FAM227A: variants seen among roughly 807,000 people sequenced by gnomAD.
FAM227A encodes the protein protein FAM227A.
Under a neutral mutation model 74.7 loss-of-function variants are expected in FAM227A, and 80 were observed. The observed-to-expected ratio is 1.07, with a 90% confidence interval of 0.89 to 1.29. FAM227A has a LOEUF of 1.29. FAM227A is among the 50% of genes most tolerant of loss of function. The pLI, the probability that FAM227A is intolerant of heterozygous loss-of-function variation, is 0.00. For missense variants in FAM227A, 654 were observed against 683.4 expected (o/e 0.96, Z 0.48); for synonymous variants, 237 against 241.8 (o/e 0.98, Z 0.19).
chr22:38,635,625 G>A (rs990593826), intron 6 of FAM227A, among the ~76,000 whole-genome samples: 2 of 152,118 alleles, frequency 1.3e-5, no homozygotes, highest in African/African-American at 4.8e-5. Flanking sequence ...GCTCTAGTGC[G>A]CAGCTCTGCA....
Position 38,613,244 on chromosome 22 carries a change from TAATA to T in FAM227A, c.1039-5772_1039-5769del, listed in dbSNP as rs1345637018. ...GTATATATATTATATATATAATATA[TAATA>T]TATAACATATATTATAACATATATT... On this transcript the variant is annotated intron_variant, in intron 11 of 16. Coordinates refer to ENST00000535113, the MANE Select transcript of FAM227A (RefSeq NM_001013647.2). 5.9e-5 allele frequency among the ~76,000 whole-genome samples: 5 copies of T among 84,060 alleles called. No homozygotes were observed. In the South Asian group the frequency reaches 8.6e-4, roughly 14 times the overall value. 55.1% of individuals were successfully genotyped at this position (84,060 alleles called of 152,430 possible).
At chr22:38,596,967 CTT>C (rs2091058270) in intron 15 of FAM227A, among the ~76,000 whole-genome samples, 1 of 151,606 alleles carries the variant, frequency 6.6e-6, no homozygotes, top group Non-Finnish European at 1.5e-5. Context: ...TTTCCGGGTC[CTT>C]TGTTTGCTTT....
Position 38,638,774 on chromosome 22 carries a change from C to CT in FAM227A, c.343dup (p.Arg115LysfsTer15). The CT allele has an allele frequency of 6.5e-7, 1 of 1,548,110 alleles. No individual in the cohort carries two copies. Among genetic ancestry groups the CT allele is most frequent in the African/African-American group, 1.4e-5 (1 of 72,904 alleles). ...TTTTATAACAGAAGATCTGGCATGT[C>CT]TGAGTTCGGAGCCTTTGCAGGAATA... On this transcript the variant is annotated frameshift_variant, in exon 5 of 17. Coordinates refer to ENST00000535113, the MANE Select transcript of FAM227A (RefSeq NM_001013647.2). LOFTEE classifies it high-confidence loss of function.
intron 11 of FAM227A, among the ~76,000 whole-genome samples, chr22:38,613,338 A>ATATCATATATAATATG (rs2091493050): frequency 1.2e-4 from 4 of 32,096 alleles, no homozygotes; most frequent in African/African-American, 4.9e-4. Context: ...TATATAATAT[A>ATATCATATATAATATG]TAACATATAT....
intron 13 of FAM227A, among the ~76,000 whole-genome samples, chr22:38,601,808 A>G (rs2091184698): frequency 6.6e-6 from 1 of 152,108 alleles, no homozygotes; most frequent in Non-Finnish European, 1.5e-5. Context: ...AGGGCGGCTC[A>G]GAGGACTTGG....
In FAM227A at chr22:38,589,698, T is replaced by C. The variant is rs538601672; in HGVS notation, c.1638+1737A>G. ...ACCCACAAAGCCATAGGAATCAGAA[T>C]AGCGTGAGACTTCTCAACAGTAAAA... On this transcript the variant is annotated intron_variant, in intron 16 of 16. Coordinates refer to ENST00000535113, the MANE Select transcript of FAM227A (RefSeq NM_001013647.2). Among the ~76,000 whole-genome samples the C allele has an allele frequency of 2.6e-3, 403 of 152,308 alleles. 2 individuals are homozygous for C. Among genetic ancestry groups the C allele is most frequent in the African/African-American group, 9.3e-3 (387 of 41,566 alleles).
intron 1 of FAM227A, among the ~76,000 whole-genome samples, chr22:38,652,148 T>C (rs1275380830): frequency 1.3e-5 from 2 of 151,974 alleles, no homozygotes; most frequent in African/African-American, 2.4e-5. Context: ...ATCATGCCAC[T>C]GCATTCCAGC....
chr22:38,601,556 T>C (rs1222784191), intron 13 of FAM227A, among the ~76,000 whole-genome samples: 1 of 152,176 alleles, frequency 6.6e-6, no homozygotes, highest in Admixed American at 6.6e-5. Flanking sequence ...CAATATAATC[T>C]GAGTAATCTG....
chr22:38,619,184 C>A (rs1037956719), intron 11 of FAM227A, among the ~76,000 whole-genome samples: 1 of 151,966 alleles, frequency 6.6e-6, no homozygotes, highest in Admixed American at 6.6e-5. Flanking sequence ...GAGGCAGGAC[C>A]CCTGAGAGCC....
chr22:38,641,359 GTCCTGAATTTTTTATGCATTTATAGTGGC>G lies in FAM227A; in HGVS notation c.226-1664_226-1636del, dbSNP rs555902468. Among the ~76,000 whole-genome samples the G allele has an allele frequency of 1.8e-4, 27 of 152,150 alleles. No individual in the cohort carries two copies. In the South Asian group the frequency reaches 5.4e-3, roughly 30 times the overall value. ...TGCTTATTTCCTGGGTCTGCATTGG[GTCCTGAATTTTTTATGCATTTATAGTGGC>G]TCCTGAATAAAAAATTAGCCGGGCG... On this transcript the variant is annotated intron_variant, in intron 3 of 16. Transcript: ENST00000535113.
At chr22:38,609,773 CTTTTT>C (rs869048280) in intron 11 of FAM227A, among the ~76,000 whole-genome samples, 1 of 145,888 alleles carries the variant, frequency 6.9e-6, no homozygotes, top group African/African-American at 2.5e-5. Flanking sequence ...TCTTTTCTTT[CTTTTT>C]TTTTTTGTTT....
At chr22:38,621,786 T>C (rs949660490) in intron 10 of FAM227A, among the ~76,000 whole-genome samples, 2 of 152,224 alleles carry the variant, frequency 1.3e-5, no homozygotes, top group Non-Finnish European at 2.9e-5. Context: ...TCGGAGTCAG[T>C]TGATTTGGAG....
chr22:38,635,228 C>CA (rs34498896), intron 6 of FAM227A, among the ~76,000 whole-genome samples: 2,123 of 66,612 alleles, frequency 0.032, 82 homozygotes, highest in African/African-American at 0.081. Flanking sequence ...GACTCTGTCT[C>CA]AAAAAAAAAA....
intron 3 of FAM227A, among the ~76,000 whole-genome samples, chr22:38,643,266 A>C (rs2145695233): frequency 6.6e-6 from 1 of 152,080 alleles, no homozygotes; most frequent in East Asian, 1.9e-4. Context: ...CAGTGAGCCA[A>C]GATCACGCCA....
intron 11 of FAM227A, chr22:38,618,343 G>C (rs1246133575): frequency 6.6e-6 from 1 of 152,098 alleles, no homozygotes; most frequent in Non-Finnish European, 1.5e-5. Context: ...TCTGCATATA[G>C]AAATCTTATT....
intron 9 of FAM227A, 47 bp downstream of exon 9, chr22:38,626,133 C>G: frequency 1.9e-6 from 3 of 1,545,682 alleles, no homozygotes; most frequent in Non-Finnish European, 2.6e-6. Flanking sequence ...CAGCGGAAAA[C>G]ATTTTTCTAG....
intron 3 of FAM227A, among the ~76,000 whole-genome samples, chr22:38,640,121 C>T (rs1170816724): frequency 6.6e-6 from 1 of 152,078 alleles, no homozygotes; most frequent in Non-Finnish European, 1.5e-5. Context: ...GCAAGCTCCG[C>T]CTCCTGGGTT....
intron 3 of FAM227A, among the ~76,000 whole-genome samples, chr22:38,644,892 A>T (rs1276368782): frequency 6.6e-6 from 1 of 151,494 alleles, no homozygotes; most frequent in Non-Finnish European, 1.5e-5. Context: ...GTTTGAGACC[A>T]GCCTGACCAA....
intron 1 of FAM227A, among the ~76,000 whole-genome samples, chr22:38,653,172 A>G (rs2092346383): frequency 6.6e-6 from 1 of 152,114 alleles, no homozygotes; most frequent in Admixed American, 6.6e-5. Flanking sequence ...CTGTGCATGC[A>G]AGAGACCTAG....
Sources: allele counts gnomAD v4.1 joint callset (sites outside exome capture counted in the v4.1 genomes callset), GRCh38; gene constraint gnomAD v4.1.1; transcripts MANE v1.5; gene names NCBI Gene and HGNC (gene_info 2026-07-23, HGNC 2026-07-21).